The following B3GALT1 variants were observed in gnomAD, a reference collection of about 807,000 sequenced individuals.
B3GALT1 encodes the protein beta-1,3-galactosyltransferase 1.
A neutral mutation model predicts 23.2 loss-of-function variants in B3GALT1; 10 were observed. That is an observed-to-expected ratio of 0.43 (90% CI 0.27 to 0.73). B3GALT1 has a LOEUF of 0.73. Among genes scored for constraint, B3GALT1 ranks in the 30% least tolerant of loss-of-function variants. B3GALT1 has a pLI of 0.21. For synonymous variants in B3GALT1, 156 were observed against 141.5 expected, an observed-to-expected ratio of 1.10 and a Z score of -0.73; for missense variants, 299 against 405.4, an observed-to-expected ratio of 0.74 and a Z score of 2.25.
At chr2:167,324,167 T>A (rs1198320574) in intron 1 of B3GALT1, among the ~76,000 whole-genome samples, 1 of 152,036 alleles carries the variant, frequency 6.6e-6, no homozygotes, top group Admixed American at 6.6e-5. Flanking sequence ...TAATATTGAT[T>A]CAAAATGCAA....
intron 2 of B3GALT1, among the ~76,000 whole-genome samples, chr2:167,539,853 T>C (rs1474395022): frequency 6.6e-6 from 1 of 152,106 alleles, no homozygotes; most frequent in Non-Finnish European, 1.5e-5. Flanking sequence ...TAAATGGCTT[T>C]CTTGTAAGCT....
intron 2 of B3GALT1, among the ~76,000 whole-genome samples, chr2:167,564,619 G>A (rs1031827068): frequency 8.5e-5 from 13 of 152,098 alleles, no homozygotes; most frequent in African/African-American, 1.4e-4. Context: ...CCGGCACCTC[G>A]GGAGGCCGAG....
chr2:167,805,848 C>T (rs1014763604), intron 3 of B3GALT1, among the ~76,000 whole-genome samples: 3 of 152,054 alleles, frequency 2.0e-5, no homozygotes, highest in African/African-American at 7.2e-5. Context: ...AAAGTAGTTT[C>T]TTCCAATTGT....
At chr2:167,330,955 G>A (rs1471642567) in intron 1 of B3GALT1, among the ~76,000 whole-genome samples, 6 of 151,842 alleles carry the variant, frequency 4.0e-5, no homozygotes, top group Admixed American at 1.3e-4. Context: ...TAGTGTGACA[G>A]TGTTTTTTTC....
intron 2 of B3GALT1, among the ~76,000 whole-genome samples, chr2:167,500,591 G>T (rs1450005839): frequency 6.6e-6 from 1 of 151,902 alleles, no homozygotes; most frequent in African/African-American, 2.4e-5. Context: ...TAGATAAGAG[G>T]CTCTGTGCTA....
chr2:167,624,047 G>T (rs1685302417), intron 2 of B3GALT1, among the ~76,000 whole-genome samples: 1 of 151,966 alleles, frequency 6.6e-6, no homozygotes, highest in Non-Finnish European at 1.5e-5. Flanking sequence ...GTTTTGAAGG[G>T]TGCATATAAT....
intron 3 of B3GALT1, among the ~76,000 whole-genome samples, chr2:167,659,743 G>GC (rs1425476306): frequency 1.3e-4 from 19 of 151,954 alleles, no homozygotes. Context: ...GGGCTCCTTT[G>GC]CAGGGAGACA....
chr2:167,425,195 T>C (rs1574073481), intron 1 of B3GALT1, among the ~76,000 whole-genome samples: 1 of 152,258 alleles, frequency 6.6e-6, no homozygotes, highest in East Asian at 1.9e-4. Context: ...GACAGAACTC[T>C]GCTGTTTGTG....
At chr2:167,592,577 A>G (rs942826393) in intron 2 of B3GALT1, among the ~76,000 whole-genome samples, 1 of 152,206 alleles carries the variant, frequency 6.6e-6, no homozygotes, top group Non-Finnish European at 1.5e-5. Flanking sequence ...ACTGAATTCT[A>G]TGAGCTAGTT....
chr2:167,465,902 T>TA (rs1449212698), intron 1 of B3GALT1, among the ~76,000 whole-genome samples: 1 of 152,124 alleles, frequency 6.6e-6, no homozygotes, highest in African/African-American at 2.4e-5. Context: ...GTTTTTTTTT[T>TA]TCCCCCTCCA....
chr2:167,766,370 G>T (rs947931679), intron 3 of B3GALT1, among the ~76,000 whole-genome samples: 2 of 152,116 alleles, frequency 1.3e-5, no homozygotes, highest in African/African-American at 4.8e-5. Flanking sequence ...GGAAAATCAC[G>T]TGTACTAGGG....
At chr2:167,715,144 A>G in intron 3 of B3GALT1, 1 of 1,613,860 alleles carries the variant, frequency 6.2e-7, no homozygotes, top group Non-Finnish European at 8.5e-7. Flanking sequence ...CTTTGGGAGG[A>G]TCATCTAAGT....
chr2:167,578,140 A>G (rs957241641), intron 2 of B3GALT1, among the ~76,000 whole-genome samples: 1 of 151,968 alleles, frequency 6.6e-6, no homozygotes, highest in African/African-American at 2.4e-5. Flanking sequence ...TTATATTGGC[A>G]TGTGAGCAAT....
chr2:167,854,866 T>C (rs1574303191), intron 4 of B3GALT1, among the ~76,000 whole-genome samples: 1 of 152,172 alleles, frequency 6.6e-6, no homozygotes, highest in African/African-American at 2.4e-5. Flanking sequence ...TGATGCCATC[T>C]CTTAAGTTCT....
chr2:167,840,584 T>G (rs1166937931), intron 4 of B3GALT1, among the ~76,000 whole-genome samples: 28 of 148,018 alleles, frequency 1.9e-4, no homozygotes, highest in Admixed American at 7.4e-4. Flanking sequence ...GGTGGGACTG[T>G]AAACTAGTTC....
At chr2:167,808,963 C>T (rs891752787) in intron 3 of B3GALT1, among the ~76,000 whole-genome samples, 1 of 152,202 alleles carries the variant, frequency 6.6e-6, no homozygotes, top group African/African-American at 2.4e-5. Context: ...TCCCATATTT[C>T]TTGGAGGCTT....
chr2:167,358,784 C>A (rs1188354687), intron 1 of B3GALT1, among the ~76,000 whole-genome samples: 1 of 152,026 alleles, frequency 6.6e-6, no homozygotes, highest in Non-Finnish European at 1.5e-5. Context: ...GGCTGTAATT[C>A]TTATTAACAA....
intron 1 of B3GALT1, among the ~76,000 whole-genome samples, chr2:167,489,025 T>TC (rs1699665425): frequency 6.6e-6 from 1 of 152,080 alleles, no homozygotes. Flanking sequence ...GATGACATTT[T>TC]CCCCAATCTA....
rs1236118161 is a variant in B3GALT1 at position 167,873,179 on chromosome 2, C to T, written c.*3159C>T. On this transcript the variant is annotated 3_prime_UTR_variant, in exon 5 of 5. Coordinates refer to ENST00000392690, the MANE Select transcript of B3GALT1 (RefSeq NM_020981.4). The stretch of plus-strand genomic sequence containing the variant: ...CAATTTTTACAAAAACTCTTTTTTT[C>T]CATTATGCACTGGATAATAACAGTA... 1 of 151,948 alleles carries T rather than the reference C, an allele frequency of 6.6e-6. No homozygotes were observed. The highest frequency in any genetic ancestry group is 1.5e-5 in the Non-Finnish European group (1 of 67,988). The allele number at this position is 151,948 out of a possible 1,614,324, so 9.4% of individuals were successfully genotyped here.
Sources: gnomAD v4.1 joint callset for allele counts (sites outside exome capture counted in the v4.1 genomes callset) on GRCh38, gnomAD v4.1.1 for gene constraint, MANE v1.5 for transcripts, NCBI Gene and HGNC (gene_info 2026-07-23, HGNC 2026-07-21) for gene names.